The following TSPAN8 variants were observed in gnomAD, a reference collection of about 807,000 sequenced individuals.
The protein encoded by TSPAN8 is tetraspanin-8.
A neutral mutation model predicts 32.8 loss-of-function variants in TSPAN8; 21 were observed. That is an observed-to-expected ratio of 0.64 (90% CI 0.45 to 0.92). The LOEUF (loss-of-function observed/expected upper bound fraction) is 0.92, where lower values mean the gene tolerates loss of function less well. Ranked by LOEUF, TSPAN8 falls within the 40% of genes least tolerant of loss-of-function variation. TSPAN8 has a pLI of 0.00. For missense variants in TSPAN8, 269 were observed against 281.9 expected, an observed-to-expected ratio of 0.95 and a Z score of 0.33; for synonymous variants, 95 against 94.6, an observed-to-expected ratio of 1.00 and a Z score of -0.03.
chr12:71,138,121 ACTT>A, intron 5 of TSPAN8, 32 bp downstream of exon 5: 3 of 1,610,690 alleles, frequency 1.9e-6, no homozygotes, highest in Middle Eastern at 1.7e-4. Context: ...AATTTTTCAA[ACTT>A]CTTCAAAATT....
chr12:71,141,408 C>T (rs1478546777), intron 3 of TSPAN8, among the ~76,000 whole-genome samples: 1 of 152,194 alleles, frequency 6.6e-6, no homozygotes, highest in East Asian at 1.9e-4. Flanking sequence ...GAAACTAGCT[C>T]TATGGACTTC....
intron 2 of TSPAN8, among the ~76,000 whole-genome samples, chr12:71,156,423 T>C (rs1872442954): frequency 6.6e-6 from 1 of 151,904 alleles, no homozygotes; most frequent in South Asian, 2.1e-4. Flanking sequence ...TAGCATGAGC[T>C]ACATTAAATA....
Position 71,139,855 on chromosome 12 carries a change from TAA to T in TSPAN8, c.124-9_124-8del. ...CATCTTCAGAACCAAAAATCTGAAG[TAA>T]AAAAGAGATTAATGGCAGAAAATTT... On this transcript the variant is annotated splice_region_variant and splice_polypyrimidine_tract_variant and intron_variant, in intron 3 of 8. Transcript: ENST00000247829. The T allele has an allele frequency of 6.3e-7, 1 of 1,597,890 alleles. No homozygotes were observed. Among genetic ancestry groups the T allele is most frequent in the Non-Finnish European group, 8.5e-7 (1 of 1,174,062 alleles).
At chr12:71,144,651 A>C (rs1313970467) in intron 2 of TSPAN8, among the ~76,000 whole-genome samples, 1 of 152,192 alleles carries the variant, frequency 6.6e-6, no homozygotes, top group Non-Finnish European at 1.5e-5. Context: ...CCATTCATTT[A>C]AGATTCGACA....
intron 8 of TSPAN8, among the ~76,000 whole-genome samples, chr12:71,127,234 T>G (rs115529857): frequency 6.6e-6 from 1 of 152,192 alleles, no homozygotes; most frequent in African/African-American, 2.4e-5. Context: ...GCCTAAGTCA[T>G]AGGGCAATAG....
chr12:71,149,595 G>A (rs553400506), intron 2 of TSPAN8, among the ~76,000 whole-genome samples: 1 of 152,216 alleles, frequency 6.6e-6, no homozygotes, highest in Non-Finnish European at 1.5e-5. Context: ...GGGACTGGCT[G>A]GAGCCGCGGC....
intron 8 of TSPAN8, among the ~76,000 whole-genome samples, chr12:71,128,780 A>G (rs1251196723): frequency 2.0e-5 from 3 of 152,098 alleles, no homozygotes; most frequent in Non-Finnish European, 2.9e-5. Context: ...AATTTCTCCA[A>G]GTGAGTCAAT....
At chr12:71,128,521 T>C (rs1277187901) in intron 8 of TSPAN8, among the ~76,000 whole-genome samples, 2 of 152,192 alleles carry the variant, frequency 1.3e-5, no homozygotes, top group Admixed American at 6.5e-5. Flanking sequence ...GTGAGTGAAT[T>C]TGATCTACTT....
chr12:71,156,250 C>CAA lies in TSPAN8; in HGVS notation c.60+1367_60+1368dup, dbSNP rs763217771. Reference sequence around the variant, plus strand: ...TCTTTAGTGAATATTCAAAGTTCTCCAAAAAAAAAAAAAAAAAACAAACAA... The same window carrying CAA: ...TCTTTAGTGAATATTCAAAGTTCTCCAAAAAAAAAAAAAAAAAAAACAAACAA... On this transcript the variant is annotated intron_variant, in intron 2 of 8. Transcript: ENST00000247829. 5.3e-3 allele frequency among the ~76,000 whole-genome samples: 129 copies of CAA among 24,306 alleles called. 2 individuals are homozygous for CAA. Among genetic ancestry groups the CAA allele is most frequent in the African/African-American group, 0.026 (112 of 4,294 alleles). 15.9% of individuals were successfully genotyped at this position (24,306 alleles called of 152,430 possible).
At chr12:71,139,249 C>T (rs974415895) in intron 4 of TSPAN8, 8 of 457,660 alleles carry the variant, frequency 1.7e-5, no homozygotes, top group African/African-American at 9.9e-5. Context: ...ACTGTACTGC[C>T]ACGTTGTCTT....
chr12:71,153,403 AT>A, intron 2 of TSPAN8, among the ~76,000 whole-genome samples: 1 of 152,202 alleles, frequency 6.6e-6, no homozygotes, highest in Middle Eastern at 3.2e-3. Flanking sequence ...ATTCTAACAA[AT>A]GGAAATCACC....
intron 8 of TSPAN8, among the ~76,000 whole-genome samples, chr12:71,128,549 A>G (rs1014595007): frequency 2.0e-5 from 3 of 152,208 alleles, no homozygotes; most frequent in Middle Eastern, 3.4e-3. Context: ...AAATTACCCA[A>G]GATCTGGGAT....
At chr12:71,136,265 G>T (rs1483671302) in intron 6 of TSPAN8, among the ~76,000 whole-genome samples, 1 of 152,110 alleles carries the variant, frequency 6.6e-6, no homozygotes, top group African/African-American at 2.4e-5. Context: ...ACTAAATAAT[G>T]TAAATCCTAG....
chr12:71,130,922 G>A (rs1216529794), intron 7 of TSPAN8, among the ~76,000 whole-genome samples: 1 of 152,172 alleles, frequency 6.6e-6, no homozygotes, highest in African/African-American at 2.4e-5. Context: ...GCAGATGGAA[G>A]TATTTTATGA....
intron 6 of TSPAN8, among the ~76,000 whole-genome samples, chr12:71,133,486 G>A (rs1871585390): frequency 1.3e-5 from 2 of 152,136 alleles, no homozygotes; most frequent in South Asian, 4.1e-4. Context: ...AAGAATTGTT[G>A]CTCAAAAGAG....
chr12:71,140,514 C>A (rs989530885), intron 3 of TSPAN8, among the ~76,000 whole-genome samples: 3 of 152,138 alleles, frequency 2.0e-5, no homozygotes, highest in African/African-American at 7.2e-5. Context: ...TATTTCATAT[C>A]TATTTTATCT....
rs1592404506 is a variant in TSPAN8, at chr12:71,139,739, A to G, written c.233T>C (p.Ile78Thr). The G allele has an allele frequency of 6.2e-7, 1 of 1,613,938 alleles. No individual in the cohort carries two copies. Among genetic ancestry groups the G allele is most frequent in the Non-Finnish European group, 8.5e-7 (1 of 1,179,868 alleles). ...ILGFLGCCGA[I>T]KESRCMLLLF... is the part of the protein sequence containing the mutation. ...CAGAAGCATGCAGCGACTTTCTTTTATAGCACCGCAGCATCCCAGGAAGCC... is the reference window on the plus strand; with the variant it reads ...CAGAAGCATGCAGCGACTTTCTTTTGTAGCACCGCAGCATCCCAGGAAGCC... Residue 78 changes from isoleucine to threonine, a missense_variant, in exon 4 of 9, where the codon ATA becomes ACA. Physicochemically the swap from Ile to Thr is moderately conservative, Grantham distance 89 (BLOSUM62 -1). Coordinates refer to ENST00000247829, the MANE Select transcript of TSPAN8 (RefSeq NM_004616.3).
chr12:71,132,714 A>AT lies in TSPAN8; in HGVS notation c.554dup (p.Asn185LysfsTer36). On this transcript the variant is annotated frameshift_variant, in exon 7 of 9. Transcript: ENST00000247829. LOFTEE classifies it high-confidence loss of function. The stretch of plus-strand genomic sequence containing the variant: ...TCACCTCTTTGTAAACTTGTTTTCC[A>AT]TTATAGCTTTGGCATGGTCTCTGCT... 1.2e-6 allele frequency: 2 copies of AT among 1,613,870 alleles called. No homozygotes were observed. Among genetic ancestry groups the AT allele is most frequent in the Non-Finnish European group, 1.7e-6 (2 of 1,179,920 alleles).
At chr12:71,138,113 T>C (rs556638911) in intron 5 of TSPAN8, 43 bp downstream of exon 5, 1 of 1,610,310 alleles carries the variant, frequency 6.2e-7, no homozygotes, top group Non-Finnish European at 8.5e-7. Flanking sequence ...AGTATTTCAA[T>C]TTTTCAAACT....
Sources: allele counts gnomAD v4.1 joint callset (sites outside exome capture counted in the v4.1 genomes callset), GRCh38; gene constraint gnomAD v4.1.1; transcripts MANE v1.5; gene names NCBI Gene and HGNC (gene_info 2026-07-23, HGNC 2026-07-21).